SLC2A7: variants seen among roughly 807,000 people sequenced by gnomAD.
SLC2A7 encodes the protein solute carrier family 2 member 7.
A neutral mutation model predicts 50.5 loss-of-function variants in SLC2A7; 50 were observed. That is an observed-to-expected ratio of 0.99 (90% CI 0.79 to 1.25). The LOEUF is 1.25. SLC2A7 is among the 50% of genes most tolerant of loss of function. The probability of loss-of-function intolerance (pLI) is 0.00; values close to 1 mark genes in which losing one functional copy is unlikely to be tolerated. For missense variants in SLC2A7, 683 were observed against 679.1 expected (o/e 1.01, Z -0.06); for synonymous variants, 308 against 300.4 (o/e 1.03, Z -0.26).
At chr1:9,025,107 T>A in intron 1 of SLC2A7, 33 bp from the exon 2 acceptor site, 7 of 1,607,314 alleles carry the variant, frequency 4.4e-6, no homozygotes, top group Non-Finnish European at 6.0e-6. Context: ...CGGGACGCTG[T>A]GGGCTTGGGC....
chr1:9,007,278 G>A, intron 10 of SLC2A7, 32 bp downstream of exon 10: 1 of 1,611,592 alleles, frequency 6.2e-7, no homozygotes, highest in Non-Finnish European at 8.5e-7. Context: ...GGACCAGGAT[G>A]GCCGGGGCGA....
chr1:9,017,939 G>A (rs905444659), intron 5 of SLC2A7, among the ~76,000 whole-genome samples: 113 of 152,214 alleles, frequency 7.4e-4, no homozygotes, highest in African/African-American at 2.4e-3. Flanking sequence ...TTCATGGCTT[G>A]AAAGAAACCT....
intron 10 of SLC2A7, among the ~76,000 whole-genome samples, chr1:9,005,229 G>C (rs1640637633): frequency 6.6e-6 from 1 of 152,300 alleles, no homozygotes; most frequent in Admixed American, 6.5e-5. Context: ...AGAGCTTTCT[G>C]AAAGAGCTTC....
intron 7 of SLC2A7, 103 bp downstream of exon 7, chr1:9,014,578 C>T: frequency 7.2e-7 from 1 of 1,395,200 alleles, no homozygotes; most frequent in Non-Finnish European, 9.7e-7. Context: ...CTGATCCTGG[C>T]CCCACTGCCA....
chr1:8,994,808 T>C, the SLC2A7 span, among the ~76,000 whole-genome samples: 1 of 151,972 alleles, frequency 6.6e-6, no homozygotes, highest in African/African-American at 2.4e-5. Context: ...TCTTGCTCCA[T>C]CGCCCAGGCT....
chr1:9,014,845 T>A lies in SLC2A7; in HGVS notation c.739A>T (p.Thr247Ser). ...TCCTCCAGCTCGGCCTCCATGTCCG[T>A]GTGGCCTCTCAGCCTCCTCAGAGCT... ...RQALRRLRGH[T>S]DMEAELEDMR... is the part of the protein sequence containing the mutation. The change falls in exon 7 of 12, where the codon ACG becomes TCG. Residue 247 changes from threonine to serine, a missense_variant. Thr to Ser is a moderately conservative substitution (Grantham distance 58). Coordinates refer to ENST00000400906, the MANE Select transcript of SLC2A7 (RefSeq NM_207420.3). The A allele has an allele frequency of 6.2e-7, 1 of 1,603,592 alleles. No homozygotes were observed. Among genetic ancestry groups the A allele is most frequent in the Middle Eastern group, 1.8e-4 (1 of 5,702 alleles).
Position 9,010,194 on chromosome 1 carries a change from G to A in SLC2A7, c.1065C>T (p.Tyr355=), listed in dbSNP as rs139810479. 7.5e-5 allele frequency: 116 copies of A among 1,551,732 alleles called. No homozygotes were observed. Among genetic ancestry groups the A allele is most frequent in the African/African-American group, 1.1e-4 (8 of 73,176 alleles). The change falls in exon 9 of 12, where the codon TAC becomes TAT. Residue 355 remains tyrosine, a synonymous_variant. Coordinates refer to ENST00000400906, the MANE Select transcript of SLC2A7 (RefSeq NM_207420.3). ...CCAGGCAGGCAGAGCCGCAGATGCC[G>A]TAGCCGGCCAGCAGGAGGTGCCGCC... is the stretch of plus-strand genomic sequence containing the variant. The part of the protein sequence containing the change: ...LGRRHLLLAG[Y]GICGSACLVL...
chr1:9,005,603 C>T (rs567828891), intron 10 of SLC2A7, among the ~76,000 whole-genome samples: 5 of 152,012 alleles, frequency 3.3e-5, no homozygotes, highest in Middle Eastern at 3.4e-3. Flanking sequence ...GTCAGGAGTT[C>T]GAGACCGGCC....
Position 9,010,174 on chromosome 1 carries a change from C to A in SLC2A7, c.1085G>T (p.Cys362Phe), listed in dbSNP as rs1198731180. Residue 362 changes from cysteine (C) to phenylalanine (F), a missense_variant, in exon 9 of 12, where the codon TGC (cysteine) becomes TTC (phenylalanine). Physicochemically the swap from Cys to Phe is radical, Grantham distance 205. Transcript: ENST00000400906. ...TAGGAGCACCACCGTCAGCACCAGG[C>A]AGGCAGAGCCGCAGATGCCGTAGCC... ...LAGYGICGSACLVLTVVLLFQ... is the reference protein window; with the variant it reads ...LAGYGICGSAFLVLTVVLLFQ... 2.6e-6 allele frequency: 4 copies of A among 1,552,662 alleles called. No homozygotes were observed. The highest frequency in any genetic ancestry group is 1.7e-4 in the Middle Eastern group (1 of 5,980).
rs1347455555 is a variant in SLC2A7, at chr1:9,008,670, C to T, written c.1117-1285G>A. The stretch of plus-strand genomic sequence containing the variant: ...CTGGAGCAGTGCTGTGATCTTGGCT[C>T]ACTGCAACCTCTGCCTCCTGAGTTC... On this transcript the variant is annotated intron_variant, in intron 9 of 11. Coordinates refer to ENST00000400906, the MANE Select transcript of SLC2A7 (RefSeq NM_207420.3). The surrounding 1 kb of genome is among the most constrained non-coding windows in gnomAD (Gnocchi z 5.9). Among the ~76,000 whole-genome samples the T allele has an allele frequency of 1.3e-5, 2 of 151,126 alleles. No individual in the cohort carries two copies. Among genetic ancestry groups the T allele is most frequent in the Non-Finnish European group, 2.9e-5 (2 of 67,912 alleles).
Position 9,026,304 on chromosome 1 carries a change from G to C in SLC2A7, c.42C>G (p.Ser14=), listed in dbSNP as rs1311390774. ...TAGTCTTGGCACTTACCCCCTCCCT[G>C]GATGGAATGGGTGGAGGGGTTCCCG... ...KEAGTPPPIP[S]REGRLQPTLL... The change falls in exon 1 of 12, where the codon TCC becomes TCG. Residue 14 remains serine, a synonymous_variant. Transcript: ENST00000400906. The C allele has an allele frequency of 6.2e-7, 1 of 1,609,510 alleles. No individual in the cohort carries two copies. The highest frequency in any genetic ancestry group is 1.7e-5 in the Admixed American group (1 of 59,504).
chr1:9,012,261 A>T (rs528954442), intron 8 of SLC2A7, among the ~76,000 whole-genome samples: 33 of 152,306 alleles, frequency 2.2e-4, no homozygotes, highest in African/African-American at 7.5e-4. Context: ...TGGTTCCCAG[A>T]TGCTGTTCCT....
chr1:8,992,840 G>A, the SLC2A7 span, among the ~76,000 whole-genome samples: 25 of 152,308 alleles, frequency 1.6e-4, no homozygotes, highest in African/African-American at 5.8e-4. Flanking sequence ...GGTCTCAGAA[G>A]CTCCAGGATT....
In SLC2A7 at chr1:9,008,496, A is replaced by G. The variant is rs1378073240; in HGVS notation, c.1117-1111T>C. Among the ~76,000 whole-genome samples the G allele has an allele frequency of 6.6e-6, 1 of 152,044 alleles. No individual in the cohort carries two copies. Among genetic ancestry groups the G allele is most frequent in the Non-Finnish European group, 1.5e-5 (1 of 68,010 alleles). On this transcript the variant is annotated intron_variant, in intron 9 of 11. Coordinates refer to ENST00000400906, the MANE Select transcript of SLC2A7 (RefSeq NM_207420.3). This position sits in a 1 kb window ranked among gnomAD's most constrained non-coding sequence, Gnocchi z 5.9. ...TGAAAGAGCCACCGGGGATGCCCCT[A>G]GGTTTCAGAAGTGTCACTGGCGGTG... is the stretch of plus-strand genomic sequence containing the variant.
intron 10 of SLC2A7, among the ~76,000 whole-genome samples, chr1:9,005,191 A>T (rs1640637091): frequency 6.6e-6 from 1 of 152,336 alleles, no homozygotes; most frequent in East Asian, 1.9e-4. Flanking sequence ...GAGCAGCAGG[A>T]GTGAGTGGGC....
At chr1:9,023,767 A>AAAAG (rs535616826) in intron 2 of SLC2A7, among the ~76,000 whole-genome samples, 3,301 of 15,414 alleles carry the variant, frequency 0.21, 152 homozygotes, top group African/African-American at 0.38. Context: ...AAAAGAAAAG[A>AAAAG]AAAAAAAAAT....
At position 9,008,324 on chromosome 1, in the gene SLC2A7, C is replaced by CA. The variant is rs752090438; in HGVS notation, c.1117-940dup. ...GCAACAAGATCTGATTCATTTTCAA[C>CA]AAGAAGAGAAGGCAGGAGGATTGGG... On this transcript the variant is annotated intron_variant, in intron 9 of 11. Transcript: ENST00000400906. This position sits in a 1 kb window ranked among gnomAD's most constrained non-coding sequence, Gnocchi z 5.9. Among the ~76,000 whole-genome samples, 1 of 152,128 alleles carries CA rather than the reference C, an allele frequency of 6.6e-6. No individual in the cohort carries two copies.
chr1:8,999,902 G>A (rs542305784), downstream of SLC2A7, among the ~76,000 whole-genome samples: 10 of 152,286 alleles, frequency 6.6e-5, no homozygotes, highest in East Asian at 1.9e-4. Flanking sequence ...TGGGATGAGC[G>A]TGCAGGGGAC....
chr1:9,003,525 C>A lies in SLC2A7; in HGVS notation c.1321-7G>T. 6.2e-7 allele frequency: 1 copy of A among 1,613,350 alleles called. No individual in the cohort carries two copies. Among genetic ancestry groups the A allele is most frequent in the Non-Finnish European group, 8.5e-7 (1 of 1,179,354 alleles). On this transcript the variant is annotated splice_region_variant and splice_polypyrimidine_tract_variant and intron_variant, in intron 11 of 11. Transcript: ENST00000400906. Reference sequence around the variant, plus strand: ...TGTAGGCACCGATGGCCTCCTAGACCAGGAGACGAGAAAGACAGGAGGGGG... The same window carrying A: ...TGTAGGCACCGATGGCCTCCTAGACAAGGAGACGAGAAAGACAGGAGGGGG...
Sources: allele counts gnomAD v4.1 joint callset (sites outside exome capture counted in the v4.1 genomes callset), GRCh38; gene constraint gnomAD v4.1.1; non-coding constraint Gnocchi (gnomAD v3.1); transcripts MANE v1.5; gene names NCBI Gene and HGNC (gene_info 2026-07-23, HGNC 2026-07-21).